Variants in DUSP19 observed in about 807,000 individuals in gnomAD.
The protein encoded by DUSP19 is dual specificity phosphatase 19.
In DUSP19, 14 loss-of-function variants were observed where a neutral mutation model predicts 16.6. The ratio of observed to expected loss-of-function variants is 0.84; its 90% confidence interval spans 0.56 to 1.32. The LOEUF is 1.32. Ranked by LOEUF, DUSP19 falls within the 40% of genes most tolerant of loss-of-function variation. The probability of loss-of-function intolerance (pLI) is 0.00; values close to 1 mark genes in which losing one functional copy is unlikely to be tolerated. For synonymous variants in DUSP19, 81 were observed against 90.5 expected (o/e 0.90, Z 0.59); for missense variants, 258 against 255.9 (o/e 1.01, Z -0.06).
chr2:183,079,894 G>A (rs897341923), intron 1 of DUSP19, among the ~76,000 whole-genome samples: 1 of 152,220 alleles, frequency 6.6e-6, no homozygotes, highest in Non-Finnish European at 1.5e-5. Flanking sequence ...GACTTGGAAA[G>A]ACTAAATGAC....
At chr2:183,090,525 A>C (rs112458413) in intron 3 of DUSP19, among the ~76,000 whole-genome samples, 75 of 152,256 alleles carry the variant, frequency 4.9e-4, no homozygotes, top group African/African-American at 1.8e-3. Context: ...ATGTGATTTT[A>C]AAAACATGAC....
intron 2 of DUSP19, among the ~76,000 whole-genome samples, chr2:183,085,682 A>T (rs1235786341): frequency 6.6e-6 from 1 of 151,812 alleles, no homozygotes; most frequent in Non-Finnish European, 1.5e-5. Context: ...GGAATTGAAG[A>T]TACAGAAAAG....
chr2:183,083,589 CA>C, intron 2 of DUSP19, 35 bp downstream of exon 2: 2 of 1,557,270 alleles, frequency 1.3e-6, no homozygotes, highest in Non-Finnish European at 1.8e-6. Context: ...ACCATATACA[CA>C]GAATATTTTA....
chr2:183,093,686 T>G (rs1332371694), intron 3 of DUSP19, among the ~76,000 whole-genome samples: 1 of 152,102 alleles, frequency 6.6e-6, no homozygotes. Context: ...GAAAATAATA[T>G]CATTTGAAAA....
chr2:183,083,572 G>C lies in DUSP19; in HGVS notation c.273+18G>C, dbSNP rs1314303624. On this transcript the variant is annotated intron_variant, in intron 2 of 3. Coordinates refer to ENST00000354221, the MANE Select transcript of DUSP19 (RefSeq NM_080876.4). ...AGAATAAGGTAAAAAAATGCTTTAA[G>C]TCTGGCACCATATACACAGAATATT... is the stretch of plus-strand genomic sequence containing the variant. 8 of 1,602,246 alleles carry C rather than the reference G, an allele frequency of 5.0e-6. No individual in the cohort carries two copies. Among genetic ancestry groups the C allele is most frequent in the Non-Finnish European group, 6.8e-6 (8 of 1,172,816 alleles).
intron 3 of DUSP19, among the ~76,000 whole-genome samples, chr2:183,089,218 A>C (rs1340554488): frequency 6.6e-6 from 1 of 152,186 alleles, no homozygotes; most frequent in African/African-American, 2.4e-5. Context: ...GAAGCAATAC[A>C]AAGTGATGCG....
chr2:183,087,276 A>G (rs1490548211), intron 3 of DUSP19, 84 bp downstream of exon 3: 1 of 1,282,842 alleles, frequency 7.8e-7, no homozygotes, highest in Non-Finnish European at 1.1e-6. Flanking sequence ...TATTTTTATA[A>G]TGAATCTCTA....
chr2:183,095,403 A>C, intron 3 of DUSP19, 28 bp from the exon 4 acceptor site: 1 of 1,551,934 alleles, frequency 6.4e-7, no homozygotes, highest in Admixed American at 1.9e-5. Context: ...TGAATAATGA[A>C]GATTTTTGTT....
intron 1 of DUSP19, among the ~76,000 whole-genome samples, chr2:183,080,922 T>C (rs980553776): frequency 6.6e-6 from 1 of 152,208 alleles, no homozygotes; most frequent in Non-Finnish European, 1.5e-5. Context: ...ACATGAATGT[T>C]GAAAGAGTTG....
Position 183,078,756 on chromosome 2 carries a change from C to T in DUSP19, c.-178C>T. 1 of 601,552 alleles carries T rather than the reference C, an allele frequency of 1.7e-6. No homozygotes were observed. Among genetic ancestry groups the T allele is most frequent in the Non-Finnish European group, 2.9e-6 (1 of 343,684 alleles). 37.3% of individuals were successfully genotyped at this position (601,552 alleles called of 1,614,324 possible). A position where few individuals can be genotyped will look rare whatever the true frequency, so the allele number is the denominator to read the frequency against. Reference sequence around the variant, plus strand: ...AATCAAATTTCGCCTTACATTGCATCGCTGGGATAAACGGAGCTGGACGAC... The same window carrying T: ...AATCAAATTTCGCCTTACATTGCATTGCTGGGATAAACGGAGCTGGACGAC... On this transcript the variant is annotated 5_prime_UTR_variant, in exon 1 of 4. Coordinates refer to ENST00000354221, the MANE Select transcript of DUSP19 (RefSeq NM_080876.4).
intron 3 of DUSP19, among the ~76,000 whole-genome samples, chr2:183,089,165 C>T (rs1699700849): frequency 6.6e-6 from 1 of 152,086 alleles, no homozygotes; most frequent in African/African-American, 2.4e-5. Flanking sequence ...AATCTCTAGG[C>T]AGTGAGAGTG....
chr2:183,089,393 T>C (rs1298875544), intron 3 of DUSP19, among the ~76,000 whole-genome samples: 1 of 152,156 alleles, frequency 6.6e-6, no homozygotes, highest in Admixed American at 6.5e-5. Flanking sequence ...CAGCTCCTGT[T>C]TCCCATTGGT....
intron 2 of DUSP19, among the ~76,000 whole-genome samples, chr2:183,086,196 A>C (rs1053363309): frequency 3.9e-5 from 6 of 152,154 alleles, no homozygotes; most frequent in Non-Finnish European, 8.8e-5. Context: ...ATAGTTTTTA[A>C]GAGTTCATCA....
intron 3 of DUSP19, among the ~76,000 whole-genome samples, chr2:183,088,420 T>G (rs1160432708): frequency 6.7e-6 from 1 of 148,236 alleles, no homozygotes; most frequent in African/African-American, 2.5e-5. Context: ...GTTTTTTTTT[T>G]TTTTGAGATG....
chr2:183,081,129 T>C (rs898588626), intron 1 of DUSP19, among the ~76,000 whole-genome samples: 2 of 152,182 alleles, frequency 1.3e-5, no homozygotes, highest in African/African-American at 4.8e-5. Context: ...CTCTAAAAAG[T>C]GACTGCATTT....
chr2:183,092,611 G>A (rs1699746686), intron 3 of DUSP19, among the ~76,000 whole-genome samples: 1 of 151,222 alleles, frequency 6.6e-6, no homozygotes, highest in Non-Finnish European at 1.5e-5. Context: ...TGGGGTATAT[G>A]TACCACATTT....
chr2:183,093,046 G>C (rs983302759), intron 3 of DUSP19, among the ~76,000 whole-genome samples: 1 of 152,030 alleles, frequency 6.6e-6, no homozygotes, highest in African/African-American at 2.4e-5. Context: ...AAAACACCTG[G>C]GCCTGGCTCA....
At chr2:183,089,045 T>C (rs1699699428) in intron 3 of DUSP19, among the ~76,000 whole-genome samples, 1 of 152,164 alleles carries the variant, frequency 6.6e-6, no homozygotes, top group African/African-American at 2.4e-5. Context: ...ATTTAAAAAA[T>C]AAAGTTTGCC....
chr2:183,089,845 G>A (rs1272148196), intron 3 of DUSP19, among the ~76,000 whole-genome samples: 2 of 152,218 alleles, frequency 1.3e-5, no homozygotes, highest in East Asian at 3.8e-4. Flanking sequence ...CACAATCTCA[G>A]CTCACTGCAA....
Sources: allele counts gnomAD v4.1 joint callset (sites outside exome capture counted in the v4.1 genomes callset), GRCh38; gene constraint gnomAD v4.1.1; transcripts MANE v1.5; gene names NCBI Gene and HGNC (gene_info 2026-07-23, HGNC 2026-07-21).